Variants in COX7B2 observed in about 807,000 individuals in gnomAD.
COX7B2 encodes the protein cytochrome c oxidase subunit 7B2, mitochondrial.
For missense variants in COX7B2, 109 were observed against 95.9 expected, an observed-to-expected ratio of 1.14 and a Z score of -0.57; for synonymous variants, 37 against 32.1, an observed-to-expected ratio of 1.15 and a Z score of -0.51.
chr4:46,902,722 C>G (rs1291096542), intron 1 of COX7B2, among the ~76,000 whole-genome samples: 3 of 151,990 alleles, frequency 2.0e-5, no homozygotes, highest in Non-Finnish European at 2.9e-5. Context: ...ACTAAAAATA[C>G]AAAAATTAGC....
At chr4:46,849,859 C>T (rs1031621720) in intron 1 of COX7B2, among the ~76,000 whole-genome samples, 3 of 151,964 alleles carry the variant, frequency 2.0e-5, no homozygotes, top group Non-Finnish European at 4.4e-5. Context: ...CACAACAGGC[C>T]CTGGTGTGTG....
At chr4:46,878,297 T>G (rs1211809715) in intron 1 of COX7B2, among the ~76,000 whole-genome samples, 1 of 152,042 alleles carries the variant, frequency 6.6e-6, no homozygotes, top group Non-Finnish European at 1.5e-5. Flanking sequence ...TTCAGTTATA[T>G]AGGATGACTA....
intron 2 of COX7B2, among the ~76,000 whole-genome samples, chr4:46,803,029 C>A (rs1211659186): frequency 1.3e-5 from 2 of 152,136 alleles, no homozygotes; most frequent in Non-Finnish European, 2.9e-5. Context: ...GAAGTAGATT[C>A]CATAAACCTC....
Position 46,842,032 on chromosome 4 carries a change from T to C in COX7B2, c.-50+2928A>G, listed in dbSNP as rs566551628. ...TGGTGGATTAGAAGGATGCAACAGT[T>C]TCTAAAATTAACATTCCTTTACCCC... On this transcript the variant is annotated intron_variant, in intron 2 of 2. Coordinates refer to ENST00000355591, the MANE Select transcript of COX7B2 (RefSeq NM_130902.3). Among the ~76,000 whole-genome samples, 4 of 152,040 alleles carry C rather than the reference T, an allele frequency of 2.6e-5. No homozygotes were observed. In the South Asian group the frequency reaches 8.3e-4, roughly 32 times the overall value.
intron 1 of COX7B2, among the ~76,000 whole-genome samples, chr4:46,852,606 A>T (rs758205238): frequency 6.6e-6 from 1 of 151,690 alleles, no homozygotes; most frequent in Non-Finnish European, 1.5e-5. Flanking sequence ...GATTTTCATT[A>T]TTTGCAATTT....
rs77422667 is a variant in COX7B2 at position 46,760,005 on chromosome 4, C to T, written c.-49-24764G>A. Among the ~76,000 whole-genome samples the T allele has an allele frequency of 2.6e-3, 389 of 151,602 alleles. 2 individuals carry two copies. The highest frequency in any genetic ancestry group is 8.9e-3 in the African/African-American group (366 of 41,340). ...CTTCCTCAGAAAGAAAGAATATTAC[C>T]GTAACAGAAACAAGAACAGTTCAGC... is the stretch of plus-strand genomic sequence containing the variant. On this transcript the variant is annotated intron_variant, in intron 2 of 2. Transcript: ENST00000355591.
intron 2 of COX7B2, among the ~76,000 whole-genome samples, chr4:46,842,761 A>G (rs1232617081): frequency 6.6e-6 from 1 of 152,064 alleles, no homozygotes; most frequent in Non-Finnish European, 1.5e-5. Context: ...ATAGTATTCC[A>G]TGGTGTATAT....
chr4:46,736,961 T>G (rs1005434832), intron 2 of COX7B2, among the ~76,000 whole-genome samples: 1 of 152,282 alleles, frequency 6.6e-6, no homozygotes, highest in East Asian at 1.9e-4. Context: ...TTTTAACTAA[T>G]TTAGGTAAAT....
intron 2 of COX7B2, among the ~76,000 whole-genome samples, chr4:46,781,016 C>T (rs1446899562): frequency 6.6e-6 from 1 of 152,072 alleles, no homozygotes; most frequent in Non-Finnish European, 1.5e-5. Flanking sequence ...TAATGGATTT[C>T]AATATGGCAG....
chr4:46,760,666 C>T (rs1716094832), intron 2 of COX7B2, among the ~76,000 whole-genome samples: 1 of 151,920 alleles, frequency 6.6e-6, no homozygotes, highest in Admixed American at 6.6e-5. Context: ...ACGTAACAAA[C>T]CTGCACGTTC....
chr4:46,874,068 A>C (rs1718171091), intron 1 of COX7B2, among the ~76,000 whole-genome samples: 2 of 152,172 alleles, frequency 1.3e-5, no homozygotes, highest in Non-Finnish European at 2.9e-5. Context: ...ATTGGCTTGC[A>C]GATTATAATT....
At chr4:46,750,438 G>T (rs6857664) in intron 2 of COX7B2, among the ~76,000 whole-genome samples, 49,702 of 151,642 alleles carry the variant, frequency 0.33, 8,394 homozygotes, top group South Asian at 0.47. Flanking sequence ...TTTATTATAA[G>T]GACATGTATA....
chr4:46,904,141 A>T (rs56313505), intron 1 of COX7B2: 2 of 152,116 alleles, frequency 1.3e-5, no homozygotes, highest in African/African-American at 4.8e-5. Context: ...ATGAAAACAC[A>T]CAAATTCCTT....
chr4:46,824,257 C>T (rs982093389), intron 2 of COX7B2, among the ~76,000 whole-genome samples: 8 of 152,200 alleles, frequency 5.3e-5, no homozygotes, highest in Non-Finnish European at 1.2e-4. Context: ...AAGTTGATAC[C>T]ATTCCTACAG....
intron 1 of COX7B2, among the ~76,000 whole-genome samples, chr4:46,889,382 A>G (rs755313996): frequency 1.3e-5 from 2 of 152,202 alleles, no homozygotes; most frequent in African/African-American, 4.8e-5. Flanking sequence ...CTCCATGTCA[A>G]CCAGACCTAA....
chr4:46,903,338 A>G (rs1720180028), intron 1 of COX7B2, among the ~76,000 whole-genome samples: 2 of 152,212 alleles, frequency 1.3e-5, no homozygotes, highest in South Asian at 4.1e-4. Flanking sequence ...GCATACAGTC[A>G]TGTGCCACAT....
At chr4:46,756,587 C>G (rs952063053) in intron 2 of COX7B2, among the ~76,000 whole-genome samples, 24 of 151,978 alleles carry the variant, frequency 1.6e-4, no homozygotes, top group African/African-American at 5.8e-4. Flanking sequence ...ACAAAGAACT[C>G]AAGCAACTCA....
intron 1 of COX7B2, among the ~76,000 whole-genome samples, chr4:46,874,124 G>A (rs529896024): frequency 4.6e-5 from 7 of 151,984 alleles, no homozygotes; most frequent in Non-Finnish European, 8.8e-5. Context: ...CATACATTTC[G>A]TTGTCTTTTT....
chr4:46,896,710 C>G (rs1279707162), intron 1 of COX7B2, among the ~76,000 whole-genome samples: 2 of 152,038 alleles, frequency 1.3e-5, no homozygotes, highest in Non-Finnish European at 2.9e-5. Flanking sequence ...ACCTCATACA[C>G]AGTTTTGGAC....
Sources: gnomAD v4.1 joint callset for allele counts (sites outside exome capture counted in the v4.1 genomes callset) on GRCh38, gnomAD v4.1.1 for gene constraint, MANE v1.5 for transcripts, NCBI Gene and HGNC (gene_info 2026-07-23, HGNC 2026-07-21) for gene names.